Variants in ZYG11A observed in about 807,000 individuals in gnomAD.
The protein encoded by ZYG11A is protein zyg-11 homolog A.
ZYG11A carries 62 observed loss-of-function variants against 77.2 expected under a neutral mutation model. That is an observed-to-expected ratio of 0.80 (90% CI 0.65 to 0.99). ZYG11A has a LOEUF of 0.99. Among genes scored for constraint, ZYG11A ranks in the 50% least tolerant of loss-of-function variants. The probability of loss-of-function intolerance (pLI) is 0.00; values close to 1 mark genes in which losing one functional copy is unlikely to be tolerated. For missense variants in ZYG11A, 828 were observed against 896.8 expected, an observed-to-expected ratio of 0.92 and a Z score of 0.98; for synonymous variants, 315 against 324.6, an observed-to-expected ratio of 0.97 and a Z score of 0.32.
At chr1:52,870,536 C>T (rs1212910260) in intron 8 of ZYG11A, among the ~76,000 whole-genome samples, 2 of 152,284 alleles carry the variant, frequency 1.3e-5, no homozygotes, top group East Asian at 3.9e-4. Context: ...TTGTAGTGAG[C>T]CGAGATCACG....
At chr1:52,856,477 A>T (rs933635411) in intron 2 of ZYG11A, among the ~76,000 whole-genome samples, 9 of 138,668 alleles carry the variant, frequency 6.5e-5, no homozygotes, top group South Asian at 2.3e-4. Flanking sequence ...AAAAAAAAAA[A>T]ATATGTGTAG....
At chr1:52,872,103 G>A (rs1646178039) in intron 8 of ZYG11A, among the ~76,000 whole-genome samples, 1 of 152,138 alleles carries the variant, frequency 6.6e-6, no homozygotes, top group Non-Finnish European at 1.5e-5. Flanking sequence ...TCATTACTGA[G>A]ATGCTTGAGA....
chr1:52,883,172 A>C (rs572555623), intron 11 of ZYG11A, among the ~76,000 whole-genome samples: 17 of 152,112 alleles, frequency 1.1e-4, no homozygotes, highest in African/African-American at 3.1e-4. Context: ...GCTGGAGTGC[A>C]GTGGCACCAT....
intron 1 of ZYG11A, among the ~76,000 whole-genome samples, chr1:52,846,310 T>TTATATATATA (rs869093943): frequency 7.8e-4 from 28 of 35,742 alleles, no homozygotes; most frequent in Non-Finnish European, 1.7e-3. Context: ...TTTTAAATTT[T>TTATATATATA]TATATATATA....
chr1:52,847,169 C>A (rs899209882), intron 1 of ZYG11A, among the ~76,000 whole-genome samples: 3 of 152,062 alleles, frequency 2.0e-5, no homozygotes, highest in African/African-American at 7.2e-5. Flanking sequence ...CAGGTTGAAG[C>A]GATTCTCCTG....
At position 52,891,951 on chromosome 1, in the gene ZYG11A, G is replaced by A. The variant is rs1376474932; in HGVS notation, c.2105-831G>A. Among the ~76,000 whole-genome samples, 5 of 151,628 alleles carry A rather than the reference G, an allele frequency of 3.3e-5. 1 individual carries two copies. The highest frequency in any genetic ancestry group is 1.2e-4 in the African/African-American group (5 of 41,070). On this transcript the variant is annotated intron_variant, in intron 13 of 13. Transcript: ENST00000371528. ...GTCTCGCTCTGTCGCCCAGGCTGGAGTGCAGTGGCGTGATCTCGGCTCACT... is the reference window on the plus strand; with the variant it reads ...GTCTCGCTCTGTCGCCCAGGCTGGAATGCAGTGGCGTGATCTCGGCTCACT...
intron 8 of ZYG11A, among the ~76,000 whole-genome samples, chr1:52,869,212 AT>A (rs34681867): frequency 0.092 from 6,791 of 73,728 alleles, 341 homozygotes; most frequent in Middle Eastern, 0.3. Flanking sequence ...ACTTTATAGG[AT>A]TTTTTTTTTT....
chr1:52,862,465 C>G (rs1279823110), intron 4 of ZYG11A, among the ~76,000 whole-genome samples: 2 of 151,656 alleles, frequency 1.3e-5, no homozygotes, highest in African/African-American at 4.8e-5. Flanking sequence ...GCGCCCGTCA[C>G]CACGCCCAGC....
chr1:52,847,360 T>C (rs1257106525), intron 1 of ZYG11A, among the ~76,000 whole-genome samples: 1 of 151,756 alleles, frequency 6.6e-6, no homozygotes, highest in African/African-American at 2.4e-5. Flanking sequence ...CCACGGTACC[T>C]GGCCTAATTT....
chr1:52,877,640 C>T, intron 8 of ZYG11A, 42 bp from the exon 9 acceptor site: 3 of 1,502,478 alleles, frequency 2.0e-6, no homozygotes, highest in Non-Finnish European at 2.7e-6. Context: ...ATTGATTATT[C>T]ATTAGAGCAT....
At chr1:52,846,335 T>TTTTGAA (rs1339073979) in intron 1 of ZYG11A, among the ~76,000 whole-genome samples, 2 of 16,258 alleles carry the variant, frequency 1.2e-4, no homozygotes, top group African/African-American at 2.1e-4. Flanking sequence ...TATATATATA[T>TTTTGAA]ATATATATAT....
intron 13 of ZYG11A, among the ~76,000 whole-genome samples, chr1:52,887,382 A>G (rs1451889402): frequency 1.3e-5 from 2 of 152,116 alleles, no homozygotes; most frequent in Non-Finnish European, 2.9e-5. Flanking sequence ...GTATATATGA[A>G]ATATATTTTT....
intron 13 of ZYG11A, among the ~76,000 whole-genome samples, chr1:52,889,981 G>C (rs1411932911): frequency 6.6e-6 from 1 of 151,422 alleles, no homozygotes; most frequent in Non-Finnish European, 1.5e-5. Flanking sequence ...CCAAAGTGCT[G>C]GGATTACAGG....
chr1:52,845,047 A>G (rs886198185), intron 1 of ZYG11A, among the ~76,000 whole-genome samples: 48 of 151,688 alleles, frequency 3.2e-4, no homozygotes, highest in African/African-American at 1.1e-3. Flanking sequence ...TATCTTTTCA[A>G]TTTTTTGCTT....
At chr1:52,879,667 C>G (rs1350837286) in intron 10 of ZYG11A, among the ~76,000 whole-genome samples, 1 of 152,062 alleles carries the variant, frequency 6.6e-6, no homozygotes, top group East Asian at 1.9e-4. Flanking sequence ...GAAATAATGC[C>G]AGAAAGTTGG....
chr1:52,852,060 G>T (rs1043031569), intron 1 of ZYG11A, among the ~76,000 whole-genome samples: 1 of 151,778 alleles, frequency 6.6e-6, no homozygotes. Context: ...GATTACAGGC[G>T]CCTGCCACCA....
chr1:52,883,211 G>C (rs545994793), intron 11 of ZYG11A, among the ~76,000 whole-genome samples: 9 of 151,996 alleles, frequency 5.9e-5, no homozygotes, highest in Non-Finnish European at 4.4e-5. Flanking sequence ...CCGCCTCCTG[G>C]GTTCAAGTGA....
chr1:52,858,268 C>T (rs974229869), intron 3 of ZYG11A, among the ~76,000 whole-genome samples: 1 of 149,584 alleles, frequency 6.7e-6, no homozygotes, highest in Non-Finnish European at 1.5e-5. Context: ...TGTTGGCGGG[C>T]GCCTGTAGTC....
chr1:52,891,132 T>C (rs1646536234), intron 13 of ZYG11A, among the ~76,000 whole-genome samples: 2 of 151,832 alleles, frequency 1.3e-5, no homozygotes, highest in African/African-American at 4.9e-5. Flanking sequence ...ACTCCTGACC[T>C]CAGGTGATCC....
Sources: gnomAD v4.1 joint callset for allele counts (sites outside exome capture counted in the v4.1 genomes callset) on GRCh38, gnomAD v4.1.1 for gene constraint, MANE v1.5 for transcripts, NCBI Gene and HGNC (gene_info 2026-07-23, HGNC 2026-07-21) for gene names.